The following HDAC9 variants were observed in gnomAD, a reference collection of about 807,000 sequenced individuals.
The protein encoded by HDAC9 is histone deacetylase 9.
A neutral mutation model predicts 139.4 loss-of-function variants in HDAC9; 41 were observed. That is an observed-to-expected ratio of 0.29 (90% CI 0.23 to 0.38). HDAC9 has a LOEUF of 0.38. HDAC9 is among the 10% of genes least tolerant of loss of function. The pLI, the probability that HDAC9 is intolerant of heterozygous loss-of-function variation, is 1.00. For missense variants in HDAC9, 1,147 were observed against 1,297.0 expected (o/e 0.88, Z 1.78); for synonymous variants, 517 against 476.2 (o/e 1.09, Z -1.12).
chr7:18,544,365 A>G (rs1814036819), intron 2 of HDAC9, among the ~76,000 whole-genome samples: 1 of 152,332 alleles, frequency 6.6e-6, no homozygotes, highest in East Asian at 1.9e-4. Flanking sequence ...ATGCTGAGTG[A>G]AGGACATGTT....
chr7:18,430,591 C>G, intron 1 of HDAC9: 1 of 152,132 alleles, frequency 6.6e-6, no homozygotes, highest in Non-Finnish European at 1.5e-5. Flanking sequence ...TTAAGTAAAA[C>G]CCTCACCAGG....
chr7:18,270,014 C>A (rs114080875), intron 2 of HDAC9, among the ~76,000 whole-genome samples: 2,498 of 152,102 alleles, frequency 0.016, 76 homozygotes, highest in African/African-American at 0.057. Flanking sequence ...GTTGTAGGGG[C>A]CTGTTGTGTT....
intron 1 of HDAC9, among the ~76,000 whole-genome samples, chr7:18,124,839 C>T (rs1035814880): frequency 1.3e-5 from 2 of 152,018 alleles, no homozygotes; most frequent in Non-Finnish European, 2.9e-5. Flanking sequence ...TACACTTCTG[C>T]CTCTGATCCC....
chr7:18,778,250 A>G (rs948570987), intron 16 of HDAC9, among the ~76,000 whole-genome samples: 2 of 151,966 alleles, frequency 1.3e-5, no homozygotes, highest in Non-Finnish European at 2.9e-5. Context: ...TGAAATTCCT[A>G]TGAAGTATTA....
chr7:18,384,958 C>T lies in HDAC9; in HGVS notation c.-42+94443C>T, dbSNP rs923275706. 3.3e-4 allele frequency among the ~76,000 whole-genome samples: 50 copies of T among 152,066 alleles called. 1 individual carries two copies. Among genetic ancestry groups the T allele is most frequent in the African/African-American group, 1.2e-3 (48 of 41,386 alleles). ...GTTAGGCTTTTGAGACAAAACATCA[C>T]AGTTGGATGTAAAGTGAGACCTTTC... On this transcript the variant is annotated intron_variant, in intron 1 of 3. Transcript: ENST00000413509.
At chr7:18,447,072 A>G (rs969109297) in intron 1 of HDAC9, among the ~76,000 whole-genome samples, 1 of 152,182 alleles carries the variant, frequency 6.6e-6, no homozygotes, top group African/African-American at 2.4e-5. Context: ...TTTCAACCCT[A>G]AAAATAAGAT....
rs376744922 is a variant in HDAC9, at chr7:18,732,823, A to T, written c.1909+5066A>T. On this transcript the variant is annotated intron_variant, in intron 13 of 25. Coordinates refer to ENST00000686413, the MANE Select transcript of HDAC9 (RefSeq NM_178425.4). Reference sequence around the variant, plus strand: ...TGCGTATGTGTACACACACGTGTGTATGTGTGCGTATGTGTACACACACGT... The same window carrying T: ...TGCGTATGTGTACACACACGTGTGTTTGTGTGCGTATGTGTACACACACGT... Among the ~76,000 whole-genome samples, 607 of 85,630 alleles carry T rather than the reference A, an allele frequency of 7.1e-3. 32 individuals are homozygous for T. The highest frequency in any genetic ancestry group is 9.7e-3 in the Non-Finnish European group (433 of 44,760). The allele number at this position is 85,630 out of a possible 152,430, so 56.2% of individuals were successfully genotyped here. A position where few individuals can be genotyped will look rare whatever the true frequency, so the allele number is the denominator to read the frequency against.
intron 2 of HDAC9, among the ~76,000 whole-genome samples, chr7:18,580,144 A>G (rs571210453): frequency 6.6e-6 from 1 of 152,298 alleles, no homozygotes; most frequent in Admixed American, 6.5e-5. Context: ...AATATTTGTT[A>G]CAGAAATTGA....
chr7:18,660,625 T>A (rs1185213191), intron 11 of HDAC9, among the ~76,000 whole-genome samples: 1 of 152,072 alleles, frequency 6.6e-6, no homozygotes, highest in Non-Finnish European at 1.5e-5. Flanking sequence ...AGCGATATGA[T>A]GCCAGACAAC....
intron 2 of HDAC9, among the ~76,000 whole-genome samples, chr7:18,498,121 C>G (rs952179379): frequency 1.3e-5 from 2 of 152,096 alleles, no homozygotes; most frequent in African/African-American, 4.8e-5. Context: ...AACATCAACT[C>G]CCAAAACCTG....
At chr7:18,905,956 A>ATTCC (rs1359661576) in intron 22 of HDAC9, among the ~76,000 whole-genome samples, 9 of 98,262 alleles carry the variant, frequency 9.2e-5, no homozygotes, top group Non-Finnish European at 1.4e-4. Context: ...TCTTTCCTTC[A>ATTCC]TTCCTTCCTT....
At chr7:18,221,843 CTAAAT>C (rs1562764121) in intron 2 of HDAC9, among the ~76,000 whole-genome samples, 5 of 152,026 alleles carry the variant, frequency 3.3e-5, no homozygotes, top group African/African-American at 1.2e-4. Flanking sequence ...GTGAAATTCA[CTAAAT>C]TGGGTAGTGA....
chr7:18,661,977 A>T (rs1252731094), intron 11 of HDAC9, among the ~76,000 whole-genome samples: 2 of 152,160 alleles, frequency 1.3e-5, no homozygotes, highest in Non-Finnish European at 2.9e-5. Context: ...TACTTCAGTG[A>T]CTTCACAGGT....
intron 2 of HDAC9, among the ~76,000 whole-genome samples, chr7:18,167,939 A>C (rs1176498883): frequency 6.6e-6 from 1 of 152,200 alleles, no homozygotes; most frequent in African/African-American, 2.4e-5. Flanking sequence ...CTCTTGATTT[A>C]ACCAGTCATT....
rs181795883 is a variant in HDAC9 at position 18,565,668 on chromosome 7, T to C, written c.23-19613T>C. On this transcript the variant is annotated intron_variant, in intron 2 of 25. Transcript: ENST00000686413. ...AGAAAAAAAAGGGTGGGGAATTCTT[T>C]CAGCCAAAAAACAAAGGTGCATTTT... Among the ~76,000 whole-genome samples, 146 of 152,272 alleles carry C rather than the reference T, an allele frequency of 9.6e-4. 1 individual carries two copies. Among genetic ancestry groups the C allele is most frequent in the Middle Eastern group, 3.4e-3 (1 of 294 alleles).
intron 13 of HDAC9, among the ~76,000 whole-genome samples, chr7:18,730,732 T>G (rs1209546560): frequency 1.3e-5 from 2 of 152,224 alleles, no homozygotes; most frequent in Non-Finnish European, 2.9e-5. Flanking sequence ...ATTTCTTTTT[T>G]CTTCATCACA....
At chr7:18,525,259 A>G (rs1198234938) in intron 2 of HDAC9, among the ~76,000 whole-genome samples, 1 of 152,096 alleles carries the variant, frequency 6.6e-6, no homozygotes, top group Non-Finnish European at 1.5e-5. Flanking sequence ...ACCAGATATA[A>G]CACTAGAACA....
chr7:18,181,598 T>C (rs1261606838), intron 2 of HDAC9, among the ~76,000 whole-genome samples: 1 of 152,196 alleles, frequency 6.6e-6, no homozygotes, highest in Non-Finnish European at 1.5e-5. Flanking sequence ...TTCAGGTGTA[T>C]ATATTGAGTA....
intron 21 of HDAC9, among the ~76,000 whole-genome samples, chr7:18,844,984 C>T (rs930608411): frequency 1.3e-5 from 2 of 151,980 alleles, no homozygotes; most frequent in African/African-American, 4.8e-5. Context: ...ATGACACCGT[C>T]GTAGTAGGTG....
Sources: allele counts gnomAD v4.1 joint callset (sites outside exome capture counted in the v4.1 genomes callset), GRCh38; gene constraint gnomAD v4.1.1; transcripts MANE v1.5; gene names NCBI Gene and HGNC (gene_info 2026-07-23, HGNC 2026-07-21).